Variants in ABHD13 observed in about 807,000 individuals in gnomAD.
ABHD13 encodes the protein protein ABHD13.
In ABHD13, 7 loss-of-function variants were observed where a neutral mutation model predicts 25.2. The ratio of observed to expected loss-of-function variants is 0.28; its 90% CI spans 0.16 to 0.52. The LOEUF is 0.52. Among genes scored for constraint, ABHD13 ranks in the 20% least tolerant of loss-of-function variants. The pLI is 0.96. For missense variants in ABHD13, 302 were observed against 402.7 expected, an observed-to-expected ratio of 0.75 and a Z score of 2.14; for synonymous variants, 133 against 136.1, an observed-to-expected ratio of 0.98 and a Z score of 0.16.
rs530823475 is a variant in ABHD13, at chr13:108,233,800, T to G, written c.*3568T>G. 1 of 166,806 alleles carries G rather than the reference T, an allele frequency of 6.0e-6. No homozygotes were observed. Among genetic ancestry groups the G allele is most frequent in the Non-Finnish European group, 1.5e-5 (1 of 67,930 alleles). 10.3% of individuals were successfully genotyped at this position (166,806 alleles called of 1,614,324 possible). On this transcript the variant is annotated 3_prime_UTR_variant, in exon 2 of 2. Coordinates refer to ENST00000375898, the MANE Select transcript of ABHD13 (RefSeq NM_032859.3). Reference sequence around the variant, plus strand: ...GTCATCTTAATACTAGTCTATACATTTTTGCCAAATGGCGCAAATATACCT... The same window carrying G: ...GTCATCTTAATACTAGTCTATACATGTTTGCCAAATGGCGCAAATATACCT...
chr13:108,226,930 C>G (rs1262253002), intron 1 of ABHD13, among the ~76,000 whole-genome samples: 2 of 152,044 alleles, frequency 1.3e-5, no homozygotes, highest in East Asian at 1.9e-4. Context: ...AGTTCTTACT[C>G]TAAACCAGCA....
At chr13:108,228,856 C>T (rs1022547244) in intron 1 of ABHD13, among the ~76,000 whole-genome samples, 2 of 151,184 alleles carry the variant, frequency 1.3e-5, no homozygotes, top group African/African-American at 4.9e-5. Flanking sequence ...TGCCCCTGAG[C>T]TTCTGTTTTC....
In ABHD13 at chr13:108,233,418, A is replaced by C. The variant is rs1166076669; in HGVS notation, c.*3186A>C. 1.2e-5 allele frequency: 2 copies of C among 166,826 alleles called. No individual in the cohort carries two copies. The highest frequency in any genetic ancestry group is 2.9e-5 in the Non-Finnish European group (2 of 67,962). The allele number at this position is 166,826 out of a possible 1,614,324, so 10.3% of individuals were successfully genotyped here. On this transcript the variant is annotated 3_prime_UTR_variant, in exon 2 of 2. Coordinates refer to ENST00000375898, the MANE Select transcript of ABHD13 (RefSeq NM_032859.3). ...TTGAGGATAGGGATAGGTAAGGTAA[A>C]CTTGTAAAAAGGATGTCACAGAAGT...
Position 108,232,079 on chromosome 13 carries a change from C to T in ABHD13, c.*1847C>T, listed in dbSNP as rs1248223263. 2 of 166,018 alleles carry T rather than the reference C, an allele frequency of 1.2e-5. No individual in the cohort carries two copies. Among genetic ancestry groups the T allele is most frequent in the Non-Finnish European group, 1.5e-5 (1 of 67,884 alleles). 10.3% of individuals were successfully genotyped at this position (166,018 alleles called of 1,614,324 possible). ...TTTAGACACGAGCTTACATGGCATA[C>T]CTTATATTTGTATCATTCTTTAAAG... On this transcript the variant is annotated 3_prime_UTR_variant, in exon 2 of 2. Transcript: ENST00000375898.
At position 108,225,850 on chromosome 13, in the gene ABHD13, G is replaced by T. The variant is rs546186517; in HGVS notation, c.-20-3349G>T. On this transcript the variant is annotated intron_variant, in intron 1 of 1. Transcript: ENST00000375898. ...CATTTCTATATTCTACATGGAACAG[G>T]TCTAATTGGCTCTCCTACTCAGCAG... 4.6e-5 allele frequency among the ~76,000 whole-genome samples: 7 copies of T among 152,266 alleles called. No homozygotes were observed. In the East Asian group the frequency reaches 9.7e-4, roughly 21 times the overall value.
At chr13:108,225,949 T>C (rs892128492) in intron 1 of ABHD13, among the ~76,000 whole-genome samples, 27 of 152,154 alleles carry the variant, frequency 1.8e-4, no homozygotes, top group African/African-American at 6.0e-4. Context: ...CAAGATGTTA[T>C]CAGCAAATGG....
intron 1 of ABHD13, among the ~76,000 whole-genome samples, chr13:108,225,975 G>A (rs1879663670): frequency 6.6e-6 from 1 of 152,066 alleles, no homozygotes; most frequent in African/African-American, 2.4e-5. Flanking sequence ...ACATGCAGAA[G>A]AACCCAACAA....
rs960122734 is a variant in ABHD13 at position 108,218,427 on chromosome 13, G to T, written c.-253G>T. On this transcript the variant is annotated 5_prime_UTR_variant, in exon 1 of 2. Transcript: ENST00000375898. ...GGGTTCCCACTCCGGGAGCGGAGAC[G>T]GAGAACAGGTTATGTGGGAGCCGGC... 2 of 152,218 alleles carry T rather than the reference G, an allele frequency of 1.3e-5. No individual in the cohort carries two copies. Among genetic ancestry groups the T allele is most frequent in the African/African-American group, 4.8e-5 (2 of 41,462 alleles). 9.4% of individuals were successfully genotyped at this position (152,218 alleles called of 1,614,324 possible). A position where few individuals can be genotyped will look rare whatever the true frequency, so the allele number is the denominator to read the frequency against.
At position 108,229,647 on chromosome 13, in the gene ABHD13, T is replaced by C. The variant is rs1409671742; in HGVS notation, c.429T>C (p.Val143=). The change falls in exon 2 of 2, where the codon GTT becomes GTC. Residue 143 remains valine, a synonymous_variant. Coordinates refer to ENST00000375898, the MANE Select transcript of ABHD13 (RefSeq NM_032859.3). This position sits in a 1 kb window ranked among gnomAD's most constrained non-coding sequence, Gnocchi z 4.7. Reference sequence around the variant, plus strand: ...TACTTATGTTGGTTAACCTCAAAGTTAACCTTTTGCTGGTTGATTATCGAG... The same window carrying C: ...TACTTATGTTGGTTAACCTCAAAGTCAACCTTTTGCTGGTTGATTATCGAG... ...NALLMLVNLK[V]NLLLVDYRGY... is the part of the protein sequence containing the mutation. 6.2e-7 allele frequency: 1 copy of C among 1,613,358 alleles called. No individual in the cohort carries two copies. The highest frequency in any genetic ancestry group is 1.7e-5 in the Admixed American group (1 of 59,852).
At chr13:108,221,954 C>G (rs1029140371) in intron 1 of ABHD13, among the ~76,000 whole-genome samples, 1 of 151,998 alleles carries the variant, frequency 6.6e-6, no homozygotes, top group Non-Finnish European at 1.5e-5. Flanking sequence ...TCTCATGCCT[C>G]AGTCTCCCTA....
chr13:108,228,596 T>G (rs1879721711), intron 1 of ABHD13, among the ~76,000 whole-genome samples: 1 of 151,912 alleles, frequency 6.6e-6, no homozygotes, highest in African/African-American at 2.4e-5. Context: ...CCTAGTTGTT[T>G]TTTTTTGTTT....
At chr13:108,223,950 C>T (rs545647445) in intron 1 of ABHD13, among the ~76,000 whole-genome samples, 172 of 152,288 alleles carry the variant, frequency 1.1e-3, no homozygotes, top group African/African-American at 3.8e-3. Context: ...AAATAAGTGT[C>T]ACAGACAGCT....
At chr13:108,225,808 A>C (rs544126162) in intron 1 of ABHD13, among the ~76,000 whole-genome samples, 1 of 152,302 alleles carries the variant, frequency 6.6e-6, no homozygotes, top group South Asian at 2.1e-4. Flanking sequence ...GGAAGATGAG[A>C]AGTTATTGAT....
In ABHD13 at chr13:108,229,881, C is replaced by T; in HGVS notation, c.663C>T (p.Ser221=). ...TTATGGTGGAGAACACATTTTTAAG[C>T]ATACCACATATGGCCAGCACTTTAT... ...SAIMVENTFL[S]IPHMASTLFS... The change falls in exon 2 of 2, where the codon AGC becomes AGT. Residue 221 remains serine (S), a synonymous_variant. Transcript: ENST00000375898. The surrounding 1 kb of genome is among the most constrained non-coding windows in gnomAD (Gnocchi z 4.7). The T allele has an allele frequency of 6.2e-7, 1 of 1,613,376 alleles. No individual in the cohort carries two copies. The highest frequency in any genetic ancestry group is 8.5e-7 in the Non-Finnish European group (1 of 1,179,460).
chr13:108,229,152 G>T lies in ABHD13; in HGVS notation c.-20-47G>T, dbSNP rs1879736517. The T allele has an allele frequency of 7.2e-7, 1 of 1,398,236 alleles. No homozygotes were observed. The highest frequency in any genetic ancestry group is 9.7e-7 in the Non-Finnish European group (1 of 1,035,214). 86.6% of individuals were successfully genotyped at this position (1,398,236 alleles called of 1,614,324 possible). On this transcript the variant is annotated intron_variant, in intron 1 of 1. Transcript: ENST00000375898. This position sits in a 1 kb window ranked among gnomAD's most constrained non-coding sequence, Gnocchi z 4.7. ...TTTATTATATTGTGGATTTTTAAAAGAATAGATAGACGTTGAATTATTGAT... is the reference window on the plus strand; with the variant it reads ...TTTATTATATTGTGGATTTTTAAAATAATAGATAGACGTTGAATTATTGAT...
chr13:108,224,978 A>T (rs747916108), intron 1 of ABHD13, among the ~76,000 whole-genome samples: 20 of 152,028 alleles, frequency 1.3e-4, no homozygotes, highest in Non-Finnish European at 2.8e-4. Flanking sequence ...ATTTTTTGAG[A>T]CACACTCACT....
chr13:108,229,409 T>C lies in ABHD13; in HGVS notation c.191T>C (p.Leu64Ser). 6.2e-7 allele frequency: 1 copy of C among 1,612,494 alleles called. No individual in the cohort carries two copies. The highest frequency in any genetic ancestry group is 8.5e-7 in the Non-Finnish European group (1 of 1,179,184). The change falls in exon 2 of 2, where the codon TTG (leucine) becomes TCG (serine). Residue 64 changes from leucine to serine, a missense_variant. Transcript: ENST00000375898. The surrounding 1 kb of genome is among the most constrained non-coding windows in gnomAD (Gnocchi z 4.7). ...ATTCTGTATAAATTCCAGGATGTAT[T>C]GCTTTATTTTCCAGAACAGCCATCC... is the stretch of plus-strand genomic sequence containing the variant. ...AGILYKFQDVLLYFPEQPSSS... is the reference protein window; with the variant it reads ...AGILYKFQDVSLYFPEQPSSS...
intron 1 of ABHD13, among the ~76,000 whole-genome samples, chr13:108,225,928 T>G (rs1879662677): frequency 6.6e-6 from 1 of 152,168 alleles, no homozygotes; most frequent in Non-Finnish European, 1.5e-5. Flanking sequence ...TTTTCCTGAT[T>G]TTTATGATGC....
At chr13:108,221,265 A>T (rs1003042470) in intron 1 of ABHD13, among the ~76,000 whole-genome samples, 1 of 152,224 alleles carries the variant, frequency 6.6e-6, no homozygotes, top group Non-Finnish European at 1.5e-5. Flanking sequence ...CATTAGGGAA[A>T]TAGATAATTC....
Sources: gnomAD v4.1 joint callset for allele counts (sites outside exome capture counted in the v4.1 genomes callset) on GRCh38, gnomAD v4.1.1 for gene constraint, Gnocchi (gnomAD v3.1) non-coding constraint, MANE v1.5 for transcripts, NCBI Gene and HGNC (gene_info 2026-07-23, HGNC 2026-07-21) for gene names.